The following KCNAB2 variants were observed in gnomAD, a reference collection of about 807,000 sequenced individuals.
KCNAB2 encodes voltage-gated potassium channel subunit beta-2.
KCNAB2 carries 29 observed loss-of-function variants against 63.6 expected under a neutral mutation model. The ratio of observed to expected loss-of-function variants is 0.46; its 90% CI spans 0.34 to 0.62. The LOEUF (loss-of-function observed/expected upper bound fraction) is 0.62. KCNAB2 is among the 20% of genes least tolerant of loss of function. KCNAB2 has a pLI of 0.01. For synonymous variants in KCNAB2, 222 were observed against 224.2 expected, an observed-to-expected ratio of 0.99 and a Z score of 0.09; for missense variants, 359 against 563.9, an observed-to-expected ratio of 0.64 and a Z score of 3.68.
At chr1:6,038,526 G>A (rs950298893) in intron 1 of KCNAB2, among the ~76,000 whole-genome samples, 3 of 151,954 alleles carry the variant, frequency 2.0e-5, no homozygotes, top group African/African-American at 7.3e-5. Context: ...TGTTGCCCAG[G>A]CTGGTCTCAA....
chr1:5,997,107 G>T (rs1656983020), intron 1 of KCNAB2, among the ~76,000 whole-genome samples: 1 of 152,200 alleles, frequency 6.6e-6, no homozygotes, highest in African/African-American at 2.4e-5. Flanking sequence ...GGCACACAGT[G>T]GGTGCTGGAT....
intron 5 of KCNAB2, among the ~76,000 whole-genome samples, chr1:6,084,008 G>A (rs1248922611): frequency 6.6e-6 from 1 of 152,180 alleles, no homozygotes; most frequent in Non-Finnish European, 1.5e-5. Flanking sequence ...GGAATAAAAG[G>A]AAGAGGCCTA....
chr1:6,092,398 G>A (rs944167380), intron 10 of KCNAB2, among the ~76,000 whole-genome samples: 29 of 152,262 alleles, frequency 1.9e-4, no homozygotes, highest in Non-Finnish European at 4.0e-4. Context: ...TGGAAGGGGC[G>A]CCGCAGGGCA....
chr1:6,056,433 A>G (rs1661831857), intron 2 of KCNAB2, among the ~76,000 whole-genome samples: 1 of 152,252 alleles, frequency 6.6e-6, no homozygotes, highest in African/African-American at 2.4e-5. Flanking sequence ...GCCCCTGTGT[A>G]AGCATGAGGG....
At chr1:6,029,281 CA>C (rs756374657) in intron 1 of KCNAB2, among the ~76,000 whole-genome samples, 14,860 of 62,632 alleles carry the variant, frequency 0.24, 612 homozygotes, top group Non-Finnish European at 0.27. Flanking sequence ...GACTCCATCT[CA>C]AAAAAAAAAA....
At chr1:6,022,648 C>A (rs771771781) in intron 1 of KCNAB2, among the ~76,000 whole-genome samples, 1 of 152,158 alleles carries the variant, frequency 6.6e-6, no homozygotes, top group Non-Finnish European at 1.5e-5. Context: ...ACTTCCCATT[C>A]CCCCTCCCCT....
upstream of KCNAB2, chr1:6,041,725 A>C (rs1309796914): frequency 7.2e-6 from 7 of 977,428 alleles, no homozygotes; most frequent in East Asian, 1.7e-4. Context: ...GGCATGGGAC[A>C]TTGGTGGTTC....
At chr1:6,051,824 C>T in intron 2 of KCNAB2, 70 bp downstream of exon 2, 4 of 1,456,466 alleles carry the variant, frequency 2.7e-6, no homozygotes, top group Non-Finnish European at 3.7e-6. Context: ...TATAAAAGGG[C>T]TGGGCACGGT....
rs1665947029 is a variant in KCNAB2 at position 6,100,286 on chromosome 1, CCCTTGCCCCT to C, written c.*1716_*1725del. ...TTCATGCTGCCCCTGGCGCCTAGAA[CCCTTGCCCCT>C]CCTCATAGACCAAGTCCCGGGGGTC... On this transcript the variant is annotated 3_prime_UTR_variant, in exon 16 of 16. Coordinates refer to ENST00000378083, the MANE Select transcript of KCNAB2 (RefSeq NM_001199862.2). 1 of 455,970 alleles carries C rather than the reference CCCTTGCCCCT, an allele frequency of 2.2e-6. No homozygotes were observed. The highest frequency in any genetic ancestry group is 2.0e-5 in the African/African-American group (1 of 50,426). 28.2% of individuals were successfully genotyped at this position (455,970 alleles called of 1,614,324 possible).
At chr1:6,089,390 C>T (rs1180337989) in intron 8 of KCNAB2, among the ~76,000 whole-genome samples, 7 of 152,232 alleles carry the variant, frequency 4.6e-5, no homozygotes, top group South Asian at 2.1e-4. Context: ...AGAGCGCACC[C>T]GGCGAGGGTG....
intron 1 of KCNAB2, among the ~76,000 whole-genome samples, chr1:6,000,970 C>T (rs760546300): frequency 1.3e-5 from 2 of 152,190 alleles, no homozygotes; most frequent in South Asian, 2.1e-4. Flanking sequence ...GCATTGACAG[C>T]GTCCATCTCA....
intron 14 of KCNAB2, 29 bp from the exon 15 acceptor site, chr1:6,097,238 TTC>T (rs1665719651): frequency 1.3e-6 from 2 of 1,516,828 alleles, no homozygotes; most frequent in African/African-American, 2.8e-5. Context: ...TGGTGGGTGT[TTC>T]TCCCTCACCT....
At chr1:6,030,371 C>T (rs546155035), upstream of KCNAB2, among the ~76,000 whole-genome samples, 1 of 152,292 alleles carries the variant, frequency 6.6e-6, no homozygotes, top group East Asian at 1.9e-4. Context: ...GTGACTGAGA[C>T]ATCTGATCAC....
At chr1:6,019,137 A>G (rs1658677169) in intron 1 of KCNAB2, among the ~76,000 whole-genome samples, 1 of 151,988 alleles carries the variant, frequency 6.6e-6, no homozygotes, top group African/African-American at 2.4e-5. Flanking sequence ...ATAAAAAATT[A>G]TAAAATTAGC....
At chr1:6,037,182 A>G (rs1012005713) in intron 1 of KCNAB2, among the ~76,000 whole-genome samples, 3 of 152,112 alleles carry the variant, frequency 2.0e-5, no homozygotes, top group South Asian at 2.1e-4. Flanking sequence ...CCCCCACCCT[A>G]TGTTCATGGA....
Position 6,040,541 on chromosome 1 carries a change from G to A in KCNAB2, c.-28G>A, listed in dbSNP as rs912207209. 6 of 1,607,616 alleles carry A rather than the reference G, an allele frequency of 3.7e-6. No individual in the cohort carries two copies. In the African/African-American group the frequency reaches 8.0e-5, roughly 21 times the overall value. On this transcript the variant is annotated 5_prime_UTR_variant, in exon 2 of 16. Transcript: ENST00000164247. ...GAATTTTCCCACTGTAAAAAACCGAGCAAGTCTGGATAAGTGAGGCTGGCT... is the reference window on the plus strand; with the variant it reads ...GAATTTTCCCACTGTAAAAAACCGAACAAGTCTGGATAAGTGAGGCTGGCT...
chr1:6,030,568 T>C (rs1333359273), upstream of KCNAB2, among the ~76,000 whole-genome samples: 2 of 152,020 alleles, frequency 1.3e-5, no homozygotes, highest in Admixed American at 6.6e-5. Flanking sequence ...TGTCTATGTG[T>C]GTATGTGTGT....
intron 4 of KCNAB2, among the ~76,000 whole-genome samples, chr1:6,076,989 G>T (rs1296110969): frequency 6.6e-6 from 1 of 152,120 alleles, no homozygotes; most frequent in Non-Finnish European, 1.5e-5. Flanking sequence ...TTCGAGACCA[G>T]CCTGGCCAAT....
intron 1 of KCNAB2, among the ~76,000 whole-genome samples, chr1:6,009,076 G>A (rs113051032): frequency 6.6e-6 from 1 of 152,200 alleles, no homozygotes; most frequent in Non-Finnish European, 1.5e-5. Context: ...TGCAGGCCAC[G>A]CTCTGAGCCT....
Sources: allele counts gnomAD v4.1 joint callset (sites outside exome capture counted in the v4.1 genomes callset), GRCh38; gene constraint gnomAD v4.1.1; transcripts MANE v1.5; gene names NCBI Gene and HGNC (gene_info 2026-07-23, HGNC 2026-07-21).